Variants in MYT1L observed in about 807,000 individuals in gnomAD.
The protein encoded by MYT1L is myelin transcription factor 1 like, also known as myelin transcription factor 1-like protein.
MYT1L carries 12 observed loss-of-function variants against 126.7 expected under a neutral mutation model. The observed-to-expected ratio is 0.09, with a 90% confidence interval of 0.06 to 0.15. The LOEUF (loss-of-function observed/expected upper bound fraction) is 0.15. MYT1L is among the 10% of genes least tolerant of loss of function. The probability of loss-of-function intolerance (pLI) is 1.00; values close to 1 mark genes in which losing one functional copy is unlikely to be tolerated. For synonymous variants in MYT1L, 541 were observed against 604.2 expected, an observed-to-expected ratio of 0.90 and a Z score of 1.53; for missense variants, 979 against 1,585.2, an observed-to-expected ratio of 0.62 and a Z score of 6.49.
At chr2:1,985,397 C>A (rs991026072) in intron 5 of MYT1L, among the ~76,000 whole-genome samples, 2 of 152,186 alleles carry the variant, frequency 1.3e-5, no homozygotes, top group African/African-American at 4.8e-5. Flanking sequence ...GGTGTTTTCC[C>A]AACAGCACTT....
intron 2 of MYT1L, among the ~76,000 whole-genome samples, chr2:2,246,648 C>CA (rs988505000): frequency 2.0e-4 from 30 of 152,216 alleles, no homozygotes; most frequent in African/African-American, 6.7e-4. Context: ...TTTTTATATA[C>CA]AAGGTAATTC....
chr2:2,310,261 C>T (rs1356246048), intron 1 of MYT1L, among the ~76,000 whole-genome samples: 1 of 151,818 alleles, frequency 6.6e-6, no homozygotes, highest in Non-Finnish European at 1.5e-5. Context: ...TTCACTGACA[C>T]ATCAGAACAC....
At chr2:1,867,441 G>A (rs2045724468) in intron 18 of MYT1L, among the ~76,000 whole-genome samples, 1 of 152,170 alleles carries the variant, frequency 6.6e-6, no homozygotes, top group Admixed American at 6.5e-5. Flanking sequence ...TCAGACGTCT[G>A]GCAGGTTTTC....
rs1173304602 is a variant in MYT1L, at chr2:1,844,973, CT to C, written c.2775-4131del. The stretch of plus-strand genomic sequence containing the variant: ...TTCATTTCTTAGGATTTGGATCCAT[CT>C]TCCTTTTTTTTTTTTTTTTTGAGAC... On this transcript the variant is annotated intron_variant, in intron 19 of 24. Transcript: ENST00000647738. Among the ~76,000 whole-genome samples, 3 of 139,594 alleles carry C rather than the reference CT, an allele frequency of 2.1e-5. No individual in the cohort carries two copies. The East Asian group carries it at 6.8e-4, about 32-fold the overall frequency. The allele number at this position is 139,594 out of a possible 152,430, so 91.6% of individuals were successfully genotyped here.
In MYT1L at chr2:2,224,097, TG is replaced by T. The variant is rs1368510843; in HGVS notation, c.-420-51110del. Among the ~76,000 whole-genome samples, 2 of 152,164 alleles carry T rather than the reference TG, an allele frequency of 1.3e-5. No individual in the cohort carries two copies. On this transcript the variant is annotated intron_variant, in intron 2 of 24. Transcript: ENST00000647738. The surrounding 1 kb of genome is among the most constrained non-coding windows in gnomAD (Gnocchi z 4.0). ...TCTGAAAGACAAAATAATGAATTGG[TG>T]GGGAGTTATCTAAGGAGGACAAGCC...
intron 23 of MYT1L, among the ~76,000 whole-genome samples, chr2:1,800,568 G>C (rs1209834063): frequency 6.6e-6 from 1 of 152,208 alleles, no homozygotes; most frequent in Non-Finnish European, 1.5e-5. Flanking sequence ...CCCAGCCCCA[G>C]AGGATGTCTC....
intron 5 of MYT1L, among the ~76,000 whole-genome samples, chr2:1,981,154 G>A (rs939371307): frequency 6.6e-6 from 1 of 152,178 alleles, no homozygotes; most frequent in Non-Finnish European, 1.5e-5. Context: ...GACAGTGCCT[G>A]ATTTAATGTT....
chr2:2,164,022 A>G (rs1435569457), intron 3 of MYT1L, among the ~76,000 whole-genome samples: 1 of 152,246 alleles, frequency 6.6e-6, no homozygotes, highest in African/African-American at 2.4e-5. Flanking sequence ...AGCAATACAC[A>G]TATTTTTATA....
chr2:2,032,517 A>C (rs2915710), intron 4 of MYT1L, among the ~76,000 whole-genome samples: 246 of 93,730 alleles, frequency 2.6e-3, no homozygotes, highest in Admixed American at 2.8e-3. Flanking sequence ...TGGCCCAGAG[A>C]AGATTCTAGA....
chr2:2,063,844 C>CA lies in MYT1L; in HGVS notation c.-303-9722dup, dbSNP rs559699900. On this transcript the variant is annotated intron_variant, in intron 3 of 24. Transcript: ENST00000647738. ...GGGTGACAAGAGTGAAACTCTGTCTCAAAAAAAACAAAACAAACAACATAA... is the reference window on the plus strand; with the variant it reads ...GGGTGACAAGAGTGAAACTCTGTCTCAAAAAAAAACAAAACAAACAACATAA... Among the ~76,000 whole-genome samples the CA allele has an allele frequency of 1.3e-3, 197 of 150,828 alleles. 1 individual carries two copies. The highest frequency in any genetic ancestry group is 3.9e-3 in the African/African-American group (159 of 40,772).
At chr2:1,871,052 G>C (rs1332955400) in intron 18 of MYT1L, among the ~76,000 whole-genome samples, 2 of 152,210 alleles carry the variant, frequency 1.3e-5, no homozygotes, top group East Asian at 1.9e-4. Flanking sequence ...GAGAGGAAAG[G>C]GACAGGAAAT....
chr2:1,844,390 A>G (rs2042228481), intron 19 of MYT1L, among the ~76,000 whole-genome samples: 1 of 152,212 alleles, frequency 6.6e-6, no homozygotes, highest in African/African-American at 2.4e-5. Context: ...CTCTAGGAGC[A>G]ATGGAATTAG....
At chr2:2,237,283 T>A (rs2094344011) in intron 2 of MYT1L, among the ~76,000 whole-genome samples, 1 of 152,122 alleles carries the variant, frequency 6.6e-6, no homozygotes, top group Non-Finnish European at 1.5e-5. Context: ...AACTAACTGA[T>A]AACCAGCACT....
At chr2:1,895,872 CA>C (rs1426620349) in intron 14 of MYT1L, among the ~76,000 whole-genome samples, 1 of 152,104 alleles carries the variant, frequency 6.6e-6, no homozygotes, top group African/African-American at 2.4e-5. Context: ...TTCTGCACAG[CA>C]AAAGAAACTA....
intron 2 of MYT1L, among the ~76,000 whole-genome samples, chr2:2,205,894 C>T (rs1001519040): frequency 6.6e-6 from 1 of 152,178 alleles, no homozygotes; most frequent in Non-Finnish European, 1.5e-5. Context: ...CTCCTTTGTT[C>T]TCACATAACG....
chr2:1,956,119 ATG>A (rs1478643013), intron 8 of MYT1L, among the ~76,000 whole-genome samples: 1 of 151,720 alleles, frequency 6.6e-6, no homozygotes, highest in African/African-American at 2.4e-5. Context: ...ACTTATCTAC[ATG>A]TCTTTCTACC....
chr2:1,993,170 A>G (rs372839162), intron 5 of MYT1L, among the ~76,000 whole-genome samples: 2 of 152,158 alleles, frequency 1.3e-5, no homozygotes, highest in African/African-American at 4.8e-5. Flanking sequence ...CCCTGAGTGA[A>G]TTACTCTTTC....
chr2:2,029,372 G>A (rs780025168), intron 4 of MYT1L, among the ~76,000 whole-genome samples: 26 of 152,312 alleles, frequency 1.7e-4, no homozygotes, highest in South Asian at 1.5e-3. Context: ...CAATCATGGC[G>A]GAAGATGAAG....
intron 3 of MYT1L, among the ~76,000 whole-genome samples, chr2:2,080,821 AACATGTG>A (rs2075743456): frequency 6.6e-6 from 1 of 152,258 alleles, no homozygotes. Flanking sequence ...ACATAACTTT[AACATGTG>A]ACACAGCAAT....
Sources: allele counts gnomAD v4.1 joint callset (sites outside exome capture counted in the v4.1 genomes callset), GRCh38; gene constraint gnomAD v4.1.1; non-coding constraint Gnocchi (gnomAD v3.1); transcripts MANE v1.5; gene names NCBI Gene and HGNC (gene_info 2026-07-23, HGNC 2026-07-21).